The following SLC25A26 variants were observed in gnomAD, a reference collection of about 807,000 sequenced individuals.
SLC25A26 encodes the protein solute carrier family 25 member 26, also known as mitochondrial S-adenosylmethionine carrier protein.
Under a neutral mutation model 37.8 loss-of-function variants are expected in SLC25A26, and 36 were observed. That is an observed-to-expected ratio of 0.95 (90% CI 0.73 to 1.26). SLC25A26 has a LOEUF of 1.26. SLC25A26 is among the 50% of genes most tolerant of loss of function. The pLI is 0.00. For missense variants in SLC25A26, 390 were observed against 331.1 expected (o/e 1.18, Z -1.38); for synonymous variants, 129 against 122.5 (o/e 1.05, Z -0.35).
intron 5 of SLC25A26, among the ~76,000 whole-genome samples, chr3:66,320,681 G>A (rs754597942): frequency 6.6e-6 from 1 of 152,112 alleles, no homozygotes; most frequent in Non-Finnish European, 1.5e-5. Flanking sequence ...CACAGTGGCT[G>A]CACCATTTAC....
At chr3:66,284,677 C>T (rs140406524) in intron 5 of SLC25A26, among the ~76,000 whole-genome samples, 55 of 152,096 alleles carry the variant, frequency 3.6e-4, no homozygotes, top group African/African-American at 1.3e-3. Context: ...GGATCAATCT[C>T]AACAAATTTC....
intron 6 of SLC25A26, among the ~76,000 whole-genome samples, chr3:66,351,133 G>T (rs1318717793): frequency 6.6e-6 from 1 of 152,108 alleles, no homozygotes; most frequent in East Asian, 1.9e-4. Flanking sequence ...AGATGAATAA[G>T]AAATGGCTTA....
intron 5 of SLC25A26, among the ~76,000 whole-genome samples, chr3:66,318,259 G>T (rs969561739): frequency 1.3e-5 from 2 of 152,164 alleles, no homozygotes; most frequent in Non-Finnish European, 2.9e-5. Flanking sequence ...AGCAGCTGCC[G>T]TGATTCTGCA....
intron 1 of SLC25A26, among the ~76,000 whole-genome samples, chr3:66,225,953 A>G (rs2071726418): frequency 1.3e-5 from 2 of 152,142 alleles, no homozygotes; most frequent in South Asian, 4.1e-4. Flanking sequence ...CCATTCAACA[A>G]GTCTCTAGGA....
At chr3:66,243,863 C>A (rs2107118697) in intron 3 of SLC25A26, among the ~76,000 whole-genome samples, 1 of 152,304 alleles carries the variant, frequency 6.6e-6, no homozygotes, top group South Asian at 2.1e-4. Context: ...CCCACTGGTT[C>A]TTTTCCATCA....
intron 1 of SLC25A26, among the ~76,000 whole-genome samples, chr3:66,210,028 C>T (rs1164187936): frequency 7.0e-6 from 1 of 142,344 alleles, no homozygotes; most frequent in East Asian, 2.1e-4. Context: ...TTAGGAGTTT[C>T]GGATGCCTAT....
At chr3:66,242,512 G>C (rs2072628878) in intron 2 of SLC25A26, among the ~76,000 whole-genome samples, 3 of 152,210 alleles carry the variant, frequency 2.0e-5, no homozygotes, top group Admixed American at 6.5e-5. Context: ...GACATGTTCA[G>C]ATGCCCTTCA....
chr3:66,303,869 G>A (rs1006565483), intron 5 of SLC25A26, among the ~76,000 whole-genome samples: 1 of 152,170 alleles, frequency 6.6e-6, no homozygotes, highest in African/African-American at 2.4e-5. Flanking sequence ...CAGGGCGGTT[G>A]GCAGATGGCA....
chr3:66,254,060 G>A (rs966859589), intron 3 of SLC25A26, among the ~76,000 whole-genome samples: 2 of 152,188 alleles, frequency 1.3e-5, no homozygotes, highest in African/African-American at 2.4e-5. Context: ...TACCTACAAC[G>A]ATTGAACTTA....
chr3:66,185,999 A>G (rs994686040), intron 1 of SLC25A26, among the ~76,000 whole-genome samples: 23 of 151,812 alleles, frequency 1.5e-4, no homozygotes, highest in Non-Finnish European at 2.8e-4. Context: ...CATGACCCTG[A>G]CCCTCACCAT....
chr3:66,229,299 G>C (rs1325180783), intron 1 of SLC25A26, among the ~76,000 whole-genome samples: 1 of 152,146 alleles, frequency 6.6e-6, no homozygotes, highest in Non-Finnish European at 1.5e-5. Context: ...CATGTGTCAA[G>C]AAACAAAGGC....
At chr3:66,336,574 G>T (rs1052220580) in intron 5 of SLC25A26, among the ~76,000 whole-genome samples, 2 of 152,170 alleles carry the variant, frequency 1.3e-5, no homozygotes, top group African/African-American at 4.8e-5. Flanking sequence ...GAATTTCTGA[G>T]TCTTAAGTTT....
At chr3:66,150,524 G>GATAT (rs57194947) in intron 1 of SLC25A26, among the ~76,000 whole-genome samples, 4,549 of 103,580 alleles carry the variant, frequency 0.044, 191 homozygotes, top group Non-Finnish European at 0.063. Context: ...TATATATAAT[G>GATAT]ATATATATAT....
intron 1 of SLC25A26, among the ~76,000 whole-genome samples, chr3:66,162,788 G>A (rs1484480207): frequency 6.6e-6 from 1 of 152,180 alleles, no homozygotes; most frequent in African/African-American, 2.4e-5. Flanking sequence ...TTGTGGAGGT[G>A]GTGAGGATAA....
intron 1 of SLC25A26, among the ~76,000 whole-genome samples, chr3:66,229,875 C>A (rs2071929457): frequency 1.3e-5 from 2 of 150,368 alleles, no homozygotes; most frequent in Non-Finnish European, 3.0e-5. Context: ...AAAAAAAAAA[C>A]TGAATGTACA....
At chr3:66,268,202 A>G (rs61039144) in intron 5 of SLC25A26, among the ~76,000 whole-genome samples, 16,026 of 152,250 alleles carry the variant, frequency 0.11, 1,097 homozygotes, top group Admixed American at 0.19. Flanking sequence ...CATTACAGAC[A>G]TGCTGCAGTG....
intron 6 of SLC25A26, among the ~76,000 whole-genome samples, chr3:66,357,727 CT>C (rs144470576): frequency 0.014 from 2,088 of 151,134 alleles, 42 homozygotes; most frequent in African/African-American, 0.038. Context: ...AAAAAAAAAA[CT>C]TTTGTAAACC....
intron 1 of SLC25A26, among the ~76,000 whole-genome samples, chr3:66,214,741 A>T (rs1431055585): frequency 6.6e-6 from 1 of 152,130 alleles, no homozygotes; most frequent in African/African-American, 2.4e-5. Context: ...TCCCTGTCAA[A>T]TTTATTTTAA....
intron 1 of SLC25A26, among the ~76,000 whole-genome samples, chr3:66,203,353 C>G (rs2071133559): frequency 6.6e-6 from 1 of 151,596 alleles, no homozygotes; most frequent in Non-Finnish European, 1.5e-5. Flanking sequence ...TGCACTCCAG[C>G]CTGGGTGATG....
Sources: gnomAD v4.1 joint callset for allele counts (sites outside exome capture counted in the v4.1 genomes callset) on GRCh38, gnomAD v4.1.1 for gene constraint, MANE v1.5 for transcripts, NCBI Gene and HGNC (gene_info 2026-07-23, HGNC 2026-07-21) for gene names.